MMACHC: variants seen among roughly 807,000 people sequenced by gnomAD.
MMACHC encodes the protein cyanocobalamin reductase / alkylcobalamin dealkylase.
Under a neutral mutation model 17.6 loss-of-function variants are expected in MMACHC, and 14 were observed. The observed-to-expected ratio is 0.80, with a 90% CI of 0.53 to 1.25. The LOEUF is 1.25. MMACHC is among the 50% of genes most tolerant of loss of function. The pLI, the probability that MMACHC is intolerant of heterozygous loss-of-function variation, is 0.00. For missense variants in MMACHC, 392 were observed against 364.5 expected (o/e 1.08, Z -0.62); for synonymous variants, 151 against 142.1 (o/e 1.06, Z -0.45).
At position 45,508,326 on chromosome 1, in the gene MMACHC, C is replaced by CA. The variant is rs1643667360; in HGVS notation, c.393dup (p.Arg132ThrfsTer7). On this transcript the variant is annotated frameshift_variant, in exon 3 of 4. Coordinates refer to ENST00000401061, the MANE Select transcript of MMACHC (RefSeq NM_015506.3). LOFTEE classifies it low-confidence loss of function (END_TRUNC). ...TGTAGCTGGGGCTGCTTACTACTAC[C>CA]AACGACAAGATGTGGAGGCTGACCC... 1.9e-6 allele frequency: 3 copies of CA among 1,614,072 alleles called. No individual in the cohort carries two copies. Among genetic ancestry groups the CA allele is most frequent in the Admixed American group, 1.7e-5 (1 of 60,006 alleles).
chr1:45,500,865 CAAAAAAAA>C (rs11374269), intron 1 of MMACHC, among the ~76,000 whole-genome samples: 8 of 86,350 alleles, frequency 9.3e-5, no homozygotes, highest in East Asian at 3.4e-4. Flanking sequence ...AACTCCGTGT[CAAAAAAAA>C]AAAAAAAAAA....
In MMACHC at chr1:45,508,266, C is replaced by T. The variant is rs121918242; in HGVS notation, c.331C>T (p.Arg111Ter). The T allele has an allele frequency of 5.3e-5, 86 of 1,614,030 alleles. No homozygotes were observed. The highest frequency in any genetic ancestry group is 1.3e-4 in the African/African-American group (10 of 74,920). Residue 111 changes from arginine (R) to a stop codon, truncating the protein, a stop_gained, in exon 3 of 4, where the codon CGA becomes TGA. Transcript: ENST00000401061. LOFTEE classifies it high-confidence loss of function. ...TGCTGACTACGAGGTGCACCCCAAC[C>T]GACGCCCCAAGATCCTGGCCCAGAC... ...IIADYEVHPN[R>*]RPKILAQTAA...
chr1:45,512,087 T>C lies in MMACHC; in HGVS notation c.*2872T>C, dbSNP rs1643761558. On this transcript the variant is annotated 3_prime_UTR_variant, in exon 4 of 4. Transcript: ENST00000401061. Reference sequence around the variant, plus strand: ...TATTTTTCTTTTTTTTTTTTTTTTTTTTTTTTTTTGAGATGGAGTCTCCCT... The same window carrying C: ...TATTTTTCTTTTTTTTTTTTTTTTTCTTTTTTTTTGAGATGGAGTCTCCCT... The C allele has an allele frequency of 7.1e-6, 1 of 141,266 alleles. No individual in the cohort carries two copies. The highest frequency in any genetic ancestry group is 7.2e-5 in the Admixed American group (1 of 13,872). The allele number at this position is 141,266 out of a possible 1,614,324, so 8.8% of individuals were successfully genotyped here. A position where few individuals can be genotyped will look rare whatever the true frequency, so the allele number is the denominator to read the frequency against.
At chr1:45,504,459 G>A (rs1476125595) in intron 1 of MMACHC, among the ~76,000 whole-genome samples, 1 of 152,154 alleles carries the variant, frequency 6.6e-6, no homozygotes, top group Non-Finnish European at 1.5e-5. Flanking sequence ...GGGGTTTGTA[G>A]ACTAATATGG....
At chr1:45,503,124 G>A (rs972952842) in intron 1 of MMACHC, among the ~76,000 whole-genome samples, 2 of 152,134 alleles carry the variant, frequency 1.3e-5, no homozygotes, top group African/African-American at 4.8e-5. Context: ...CTGCAGCCAG[G>A]CGTGGTGGTT....
chr1:45,500,640 G>A (rs535283664), intron 1 of MMACHC, among the ~76,000 whole-genome samples: 46 of 152,064 alleles, frequency 3.0e-4, no homozygotes, highest in South Asian at 1.0e-3. Context: ...CGAGGCGGGC[G>A]GATCACCTGA....
chr1:45,511,185 C>T lies in MMACHC; in HGVS notation c.*1970C>T. The T allele has an allele frequency of 1.5e-6, 1 of 687,416 alleles. No individual in the cohort carries two copies. The allele number at this position is 687,416 out of a possible 1,614,324, so 42.6% of individuals were successfully genotyped here. ...AGGAAGAAAGGCTGGTCTCTCCACCCCCTGTAGGAAAGGCCTGCCTTGTAA... is the reference window on the plus strand; with the variant it reads ...AGGAAGAAAGGCTGGTCTCTCCACCTCCTGTAGGAAAGGCCTGCCTTGTAA... On this transcript the variant is annotated 3_prime_UTR_variant, in exon 4 of 4. Coordinates refer to ENST00000401061, the MANE Select transcript of MMACHC (RefSeq NM_015506.3).
intron 1 of MMACHC, 53 bp from the exon 2 acceptor site, chr1:45,507,303 A>G (rs939793925): frequency 1.3e-6 from 2 of 1,577,352 alleles, no homozygotes; most frequent in African/African-American, 2.7e-5. Context: ...GGTGTGGGCC[A>G]GGCTGAGGCC....
Position 45,508,921 on chromosome 1 carries a change from A to C in MMACHC, c.555A>C (p.Thr185=). Residue 185 remains threonine (T), a synonymous_variant, in exon 4 of 4, where the codon ACA becomes ACC. Transcript: ENST00000401061. The part of the protein sequence containing the change: ...PPRKPHDCVP[T]RADRIALLEG... ...GAAAACCTCATGACTGTGTACCTAC[A>C]AGAGCTGACCGTATCGCCCTACTCG... 1 of 1,614,176 alleles carries C rather than the reference A, an allele frequency of 6.2e-7. No individual in the cohort carries two copies. The highest frequency in any genetic ancestry group is 1.1e-5 in the South Asian group (1 of 91,082).
rs1643733840 is a variant in MMACHC at position 45,511,082 on chromosome 1, G to A, written c.*1867G>A. On this transcript the variant is annotated 3_prime_UTR_variant, in exon 4 of 4. Coordinates refer to ENST00000401061, the MANE Select transcript of MMACHC (RefSeq NM_015506.3). ...TTCAAGTTTAATACAAACTACAAAAGATTAATGGGTTGCTCTACTAATACA... is the reference window on the plus strand; with the variant it reads ...TTCAAGTTTAATACAAACTACAAAAAATTAATGGGTTGCTCTACTAATACA... The A allele has an allele frequency of 2.9e-6, 1 of 349,470 alleles. No homozygotes were observed. The highest frequency in any genetic ancestry group is 4.4e-5 in the East Asian group (1 of 22,966). 21.6% of individuals were successfully genotyped at this position (349,470 alleles called of 1,614,324 possible).
At chr1:45,503,561 G>A (rs945574284) in intron 1 of MMACHC, among the ~76,000 whole-genome samples, 10 of 150,598 alleles carry the variant, frequency 6.6e-5, no homozygotes, top group African/African-American at 2.4e-4. Flanking sequence ...TCAGCCTCCT[G>A]AGTAGCTGAG....
chr1:45,500,533 A>G, intron 1 of MMACHC, 120 bp downstream of exon 1: 1 of 959,894 alleles, frequency 1.0e-6, no homozygotes, highest in East Asian at 2.5e-5. Context: ...TCCATGTGAC[A>G]ACAGGGACAG....
chr1:45,511,989 A>G lies in MMACHC; in HGVS notation c.*2774A>G, dbSNP rs551814581. ...ATTTATACAGAAAGCACAGCCTTCA[A>G]CCTTTTCCTGACAATGCCTAAGAAT... On this transcript the variant is annotated 3_prime_UTR_variant, in exon 4 of 4. Coordinates refer to ENST00000401061, the MANE Select transcript of MMACHC (RefSeq NM_015506.3). 5.3e-5 allele frequency: 8 copies of G among 152,010 alleles called. No individual in the cohort carries two copies. Among genetic ancestry groups the G allele is most frequent in the African/African-American group, 1.7e-4 (7 of 41,366 alleles). The allele number at this position is 152,010 out of a possible 1,614,324, so 9.4% of individuals were successfully genotyped here.
Position 45,511,550 on chromosome 1 carries a change from C to T in MMACHC, c.*2335C>T. On this transcript the variant is annotated 3_prime_UTR_variant, in exon 4 of 4. Coordinates refer to ENST00000401061, the MANE Select transcript of MMACHC (RefSeq NM_015506.3). ...CCCCTGCAATCAGTCTTAGATCATT[C>T]ACCCTTTTAGTATGAGCTAACCATT... is the stretch of plus-strand genomic sequence containing the variant. 1 of 579,610 alleles carries T rather than the reference C, an allele frequency of 1.7e-6. No individual in the cohort carries two copies. 35.9% of individuals were successfully genotyped at this position (579,610 alleles called of 1,614,324 possible). A position where few individuals can be genotyped will look rare whatever the true frequency, so the allele number is the denominator to read the frequency against.
In MMACHC at chr1:45,509,286, GTT is replaced by G; in HGVS notation, c.*74_*75del. 4 of 1,536,232 alleles carry G rather than the reference GTT, an allele frequency of 2.6e-6. No individual in the cohort carries two copies. The highest frequency in any genetic ancestry group is 3.6e-6 in the Non-Finnish European group (4 of 1,110,706). On this transcript the variant is annotated 3_prime_UTR_variant, in exon 4 of 4. Transcript: ENST00000401061. ...TTAATTGGCTTTGGCAAAGCAAAAGGTTTTGAGTACAAGATTACTATTTTTGA... is the reference window on the plus strand; with the variant it reads ...TTAATTGGCTTTGGCAAAGCAAAAGGTTGAGTACAAGATTACTATTTTTGA...
rs1370596615 is a variant in MMACHC at position 45,509,556 on chromosome 1, G to A, written c.*341G>A. On this transcript the variant is annotated 3_prime_UTR_variant, in exon 4 of 4. Transcript: ENST00000401061. Reference sequence around the variant, plus strand: ...GCCTCCTGAGTAGCTGGGATGACAGGTGCCTGCCACTACACCTGGCTAATT... The same window carrying A: ...GCCTCCTGAGTAGCTGGGATGACAGATGCCTGCCACTACACCTGGCTAATT... 4.5e-6 allele frequency: 1 copy of A among 222,678 alleles called. No individual in the cohort carries two copies. The highest frequency in any genetic ancestry group is 2.3e-5 in the African/African-American group (1 of 42,698). The allele number at this position is 222,678 out of a possible 1,614,324, so 13.8% of individuals were successfully genotyped here.
chr1:45,508,854 T>C lies in MMACHC; in HGVS notation c.488T>C (p.Val163Ala), dbSNP rs1570832855. Residue 163 changes from valine to alanine, a missense_variant, in exon 4 of 4, where the codon GTA becomes GCA. Transcript: ENST00000401061. ...GGGGGCTGGTTTGCCATCCGAGGGG[T>C]AGTGCTGCTGCCAGGGATAGAGGTG... ...RFGGWFAIRG[V>A]VLLPGIEVPD... 5 of 1,614,100 alleles carry C rather than the reference T, an allele frequency of 3.1e-6. No individual in the cohort carries two copies. In the South Asian group the frequency reaches 5.5e-5, roughly 18 times the overall value.
chr1:45,509,162 G>GC lies in MMACHC; in HGVS notation c.799dup (p.Arg267ProfsTer43), dbSNP rs1553163005. On this transcript the variant is annotated frameshift_variant, in exon 4 of 4. Transcript: ENST00000401061. LOFTEE classifies it high-confidence loss of function. ...CAAGAAGCCTGGGAATCCCAGCAGA[G>GC]CCCGGAGCTGGCTCAGCCCCAGGGT... 8.1e-6 allele frequency: 13 copies of GC among 1,613,856 alleles called. No homozygotes were observed. Among genetic ancestry groups the GC allele is most frequent in the Non-Finnish European group, 1.1e-5 (13 of 1,179,950 alleles).
Position 45,509,416 on chromosome 1 carries a change from G to GTGTTT in MMACHC, c.*202_*203insGTTTT, listed in dbSNP as rs1643696590. The GTGTTT allele has an allele frequency of 1.0e-5, 4 of 390,460 alleles. No individual in the cohort carries two copies. The highest frequency in any genetic ancestry group is 1.7e-5 in the Non-Finnish European group (4 of 229,000). The allele number at this position is 390,460 out of a possible 1,614,324, so 24.2% of individuals were successfully genotyped here. On this transcript the variant is annotated 3_prime_UTR_variant, in exon 4 of 4. Transcript: ENST00000401061. ...AGAATTCCCATCTGCCTTCAAATGA[G>GTGTTT]TTTTTTTTTTTTTTTTAGACAGAGT...
Sources: allele counts gnomAD v4.1 joint callset (sites outside exome capture counted in the v4.1 genomes callset), GRCh38; gene constraint gnomAD v4.1.1; transcripts MANE v1.5; gene names NCBI Gene and HGNC (gene_info 2026-07-23, HGNC 2026-07-21).